The following GM2A variants were observed in gnomAD, a reference collection of about 807,000 sequenced individuals.
GM2A encodes ganglioside GM2 activator.
In GM2A, 7 loss-of-function variants were observed where a neutral mutation model predicts 12.9. The observed-to-expected ratio is 0.54, with a 90% CI of 0.31 to 1.02. The LOEUF (loss-of-function observed/expected upper bound fraction) is 1.02. Ranked by LOEUF, GM2A falls within the 50% of genes least tolerant of loss-of-function variation. The pLI, the probability that GM2A is intolerant of heterozygous loss-of-function variation, is 0.05. For missense variants in GM2A, 246 were observed against 241.0 expected (o/e 1.02, Z -0.14); for synonymous variants, 101 against 96.0 (o/e 1.05, Z -0.30).
intron 3 of GM2A, 185 bp from the exon 4 acceptor site, chr5:151,267,111 C>T: frequency 1.1e-6 from 1 of 870,320 alleles, no homozygotes; most frequent in Non-Finnish European, 1.9e-6. Flanking sequence ...TAGATGTGAT[C>T]TTCAGGGCCC....
chr5:151,263,399 T>A (rs913564267), intron 2 of GM2A, among the ~76,000 whole-genome samples: 124 of 151,316 alleles, frequency 8.2e-4, no homozygotes, highest in African/African-American at 5.1e-4. Context: ...ATATATATAT[T>A]TATTTATTTA....
intron 1 of GM2A, 111 bp downstream of exon 1, chr5:151,253,408 C>G (rs1254109472): frequency 2.6e-6 from 2 of 761,434 alleles, no homozygotes; most frequent in Non-Finnish European, 4.6e-6. Flanking sequence ...AATTGGTTCT[C>G]TGCACTAGAG....
Position 151,268,433 on chromosome 5 carries a change from T to G in GM2A, c.*982T>G. ...CTTGCAAAGCGCTGGATTACAGGCATGAGCCACTACACCCAGCCGATTTTT... is the reference window on the plus strand; with the variant it reads ...CTTGCAAAGCGCTGGATTACAGGCAGGAGCCACTACACCCAGCCGATTTTT... On this transcript the variant is annotated 3_prime_UTR_variant, in exon 4 of 4. Transcript: ENST00000357164. The G allele has an allele frequency of 3.1e-6, 3 of 981,702 alleles. No homozygotes were observed. Among genetic ancestry groups the G allele is most frequent in the Non-Finnish European group, 3.6e-6 (3 of 826,520 alleles). 60.8% of individuals were successfully genotyped at this position (981,702 alleles called of 1,614,324 possible).
Position 151,266,746 on chromosome 5 carries a change from G to A in GM2A, c.259G>A (p.Glu87Lys). ...TTTTTACCAGGTGGATTTAGTTTTGGAGAAGGAGGTGGCTGGCCTCTGGAT... is the reference window on the plus strand; with the variant it reads ...TTTTTACCAGGTGGATTTAGTTTTGAAGAAGGAGGTGGCTGGCCTCTGGAT... ...SSPLKVDLVL[E>K]KEVAGLWIKI... The change falls in exon 3 of 4, where the codon GAG (glutamate) becomes AAG (lysine). Residue 87 changes from glutamate (E) to lysine (K), a missense_variant. Transcript: ENST00000357164. The A allele has an allele frequency of 6.2e-7, 1 of 1,613,720 alleles. No individual in the cohort carries two copies. Among genetic ancestry groups the A allele is most frequent in the Non-Finnish European group, 8.5e-7 (1 of 1,179,678 alleles).
Position 151,257,056 on chromosome 5 carries a change from G to A in GM2A, c.82-2699G>A, listed in dbSNP as rs1186105645. Among the ~76,000 whole-genome samples, 5 of 152,192 alleles carry A rather than the reference G, an allele frequency of 3.3e-5. No homozygotes were observed. The South Asian group carries it at 8.3e-4, about 25-fold the overall frequency. ...ACCCCTAGGGGGTTAACTTACCCATGGTCTTAGCTAGTAAGACTGGCTGAG... is the reference window on the plus strand; with the variant it reads ...ACCCCTAGGGGGTTAACTTACCCATAGTCTTAGCTAGTAAGACTGGCTGAG... On this transcript the variant is annotated intron_variant, in intron 1 of 3. Coordinates refer to ENST00000357164, the MANE Select transcript of GM2A (RefSeq NM_000405.5).
At chr5:151,255,639 T>C (rs1359027382) in intron 1 of GM2A, among the ~76,000 whole-genome samples, 1 of 152,218 alleles carries the variant, frequency 6.6e-6, no homozygotes, top group Non-Finnish European at 1.5e-5. Context: ...GGAAAATTTC[T>C]AAAATCAGAA....
chr5:151,260,574 C>T (rs1358248971), intron 2 of GM2A, among the ~76,000 whole-genome samples: 1 of 152,156 alleles, frequency 6.6e-6, no homozygotes, highest in Non-Finnish European at 1.5e-5. Flanking sequence ...GCCAGGATCG[C>T]ACCACTGCAC....
intron 2 of GM2A, among the ~76,000 whole-genome samples, chr5:151,264,954 C>T (rs1753856742): frequency 6.6e-6 from 1 of 151,562 alleles, no homozygotes; most frequent in Non-Finnish European, 1.5e-5. Context: ...TATACTCCAG[C>T]CTAGGTGACA....
chr5:151,256,673 T>G lies in GM2A; in HGVS notation c.82-3082T>G, dbSNP rs188982899. On this transcript the variant is annotated intron_variant, in intron 1 of 3. Coordinates refer to ENST00000357164, the MANE Select transcript of GM2A (RefSeq NM_000405.5). ...AGTTTCTATATACTCCTGACTCAGT[T>G]TTCCCTGTTAGCATCTTATATGTAC... Among the ~76,000 whole-genome samples the G allele has an allele frequency of 9.9e-5, 15 of 152,168 alleles. 1 individual carries two copies. The East Asian group carries it at 2.7e-3, about 27-fold the overall frequency.
Position 151,268,296 on chromosome 5 carries a change from C to A in GM2A, c.*845C>A. The A allele has an allele frequency of 2.6e-6, 1 of 379,020 alleles. No individual in the cohort carries two copies. Among genetic ancestry groups the A allele is most frequent in the Non-Finnish European group, 3.6e-6 (1 of 275,886 alleles). The allele number at this position is 379,020 out of a possible 1,614,324, so 23.5% of individuals were successfully genotyped here. A position where few individuals can be genotyped will look rare whatever the true frequency, so the allele number is the denominator to read the frequency against. ...TCAGCCTCCCAAGTAGCTTGGACTACAGGCCCTGCCACCACGCCCGGCTAA... is the reference window on the plus strand; with the variant it reads ...TCAGCCTCCCAAGTAGCTTGGACTAAAGGCCCTGCCACCACGCCCGGCTAA... On this transcript the variant is annotated 3_prime_UTR_variant, in exon 4 of 4. Coordinates refer to ENST00000357164, the MANE Select transcript of GM2A (RefSeq NM_000405.5).
intron 1 of GM2A, among the ~76,000 whole-genome samples, chr5:151,258,602 C>A (rs1268164058): frequency 6.6e-6 from 1 of 152,198 alleles, no homozygotes; most frequent in Non-Finnish European, 1.5e-5. Flanking sequence ...GCCCTAACTT[C>A]TGCTTGGTCA....
rs760181457 is a variant in GM2A at position 151,267,617 on chromosome 5, C to T, written c.*166C>T. The stretch of plus-strand genomic sequence containing the variant: ...CATTTTGTACCACTTACATTTTAGG[C>T]TGGGGCAAGCAGCCCTGACCTAAGG... On this transcript the variant is annotated 3_prime_UTR_variant, in exon 4 of 4. Coordinates refer to ENST00000357164, the MANE Select transcript of GM2A (RefSeq NM_000405.5). The T allele has an allele frequency of 1.5e-5, 23 of 1,524,528 alleles. No individual in the cohort carries two copies. Among genetic ancestry groups the T allele is most frequent in the Admixed American group, 7.9e-5 (4 of 50,538 alleles). The allele number at this position is 1,524,528 out of a possible 1,614,324, so 94.4% of individuals were successfully genotyped here. A position where few individuals can be genotyped will look rare whatever the true frequency, so the allele number is the denominator to read the frequency against.
intron 2 of GM2A, among the ~76,000 whole-genome samples, chr5:151,264,333 T>C (rs182438331): frequency 1.3e-5 from 2 of 152,342 alleles, no homozygotes; most frequent in Admixed American, 1.3e-4. Context: ...TTCAGTTCAG[T>C]ACACTTCTTG....
intron 1 of GM2A, among the ~76,000 whole-genome samples, chr5:151,257,643 C>T (rs1014350323): frequency 6.6e-6 from 1 of 152,148 alleles, no homozygotes; most frequent in Admixed American, 6.5e-5. Context: ...TGCAACCTCC[C>T]GATTATAGCT....
intron 2 of GM2A, among the ~76,000 whole-genome samples, chr5:151,264,143 T>C (rs1388816576): frequency 1.3e-5 from 2 of 152,192 alleles, no homozygotes. Flanking sequence ...TATTCCAGCC[T>C]TTCAGGCCTG....
At chr5:151,266,949 G>A (rs1224315990) in intron 3 of GM2A, 36 bp downstream of exon 3, 2 of 1,512,284 alleles carry the variant, frequency 1.3e-6, no homozygotes, top group Non-Finnish European at 1.8e-6. Flanking sequence ...TTACCCCTGT[G>A]GCTAAAGAGA....
Position 151,253,228 on chromosome 5 carries a change from G to C in GM2A, c.12G>C (p.Leu4=), listed in dbSNP as rs766243967. Residue 4 remains leucine (L), a synonymous_variant, in exon 1 of 4, where the codon CTG becomes CTC. Coordinates refer to ENST00000357164, the MANE Select transcript of GM2A (RefSeq NM_000405.5). ...ACCCACCCTTCCCGATGCAGTCCCT[G>C]ATGCAGGCTCCCCTCCTGATCGCCC... is the stretch of plus-strand genomic sequence containing the variant. The part of the protein sequence containing the change: MQS[L]MQAPLLIALG... 1 of 1,614,034 alleles carries C rather than the reference G, an allele frequency of 6.2e-7. No individual in the cohort carries two copies. The highest frequency in any genetic ancestry group is 8.5e-7 in the Non-Finnish European group (1 of 1,179,914).
At position 151,259,842 on chromosome 5, in the gene GM2A, C is replaced by G; in HGVS notation, c.169C>G (p.Pro57Ala). The G allele has an allele frequency of 6.2e-7, 1 of 1,612,738 alleles. No individual in the cohort carries two copies. Among genetic ancestry groups the G allele is most frequent in the Non-Finnish European group, 8.5e-7 (1 of 1,178,764 alleles). ...CAGAAGCCTGACTCTGGAGCCTGAC[C>G]CCATCATCGTTCCTGGAAATGTGAC... ...VIRSLTLEPDPIIVPGNVTLS... is the reference protein window; with the variant it reads ...VIRSLTLEPDAIIVPGNVTLS... The change falls in exon 2 of 4, where the codon CCC becomes GCC. Residue 57 changes from proline (P) to alanine (A), a missense_variant. Transcript: ENST00000357164.
rs569180607 is a variant in GM2A, at chr5:151,255,520, C to T, written c.81+2223C>T. The stretch of plus-strand genomic sequence containing the variant: ...GCTTGGCTTCTGATCATTCCCCTGT[C>T]TCAATCCATGGATTTCCTGAGTCTT... On this transcript the variant is annotated intron_variant, in intron 1 of 3. Coordinates refer to ENST00000357164, the MANE Select transcript of GM2A (RefSeq NM_000405.5). Among the ~76,000 whole-genome samples, 4 of 152,184 alleles carry T rather than the reference C, an allele frequency of 2.6e-5. No individual in the cohort carries two copies. The South Asian group carries it at 8.3e-4, about 32-fold the overall frequency.
Sources: gnomAD v4.1 joint callset for allele counts (sites outside exome capture counted in the v4.1 genomes callset) on GRCh38, gnomAD v4.1.1 for gene constraint, MANE v1.5 for transcripts, NCBI Gene and HGNC (gene_info 2026-07-23, HGNC 2026-07-21) for gene names.